Variants in DLG1 observed in about 807,000 individuals in gnomAD.
DLG1 encodes disks large homolog 1.
DLG1 carries 42 observed loss-of-function variants against 123.4 expected under a neutral mutation model. The observed-to-expected ratio is 0.34, with a 90% CI of 0.27 to 0.44. The LOEUF (loss-of-function observed/expected upper bound fraction) is 0.44, where lower values mean the gene tolerates loss of function less well. DLG1 is among the 20% of genes least tolerant of loss of function. The probability of loss-of-function intolerance (pLI) is 1.00; values close to 1 mark genes in which losing one functional copy is unlikely to be tolerated. For missense variants in DLG1, 942 were observed against 1,082.6 expected (o/e 0.87, Z 1.82); for synonymous variants, 317 against 356.2 (o/e 0.89, Z 1.24).
intron 13 of DLG1, among the ~76,000 whole-genome samples, chr3:197,111,278 A>G (rs1769852189): frequency 6.6e-6 from 1 of 152,192 alleles, no homozygotes; most frequent in Non-Finnish European, 1.5e-5. Context: ...TAAAACCATG[A>G]ATGTTCTGGG....
chr3:197,134,674 C>G (rs1784254737), intron 10 of DLG1, among the ~76,000 whole-genome samples: 1 of 152,194 alleles, frequency 6.6e-6, no homozygotes, highest in Non-Finnish European at 1.5e-5. Flanking sequence ...TCCCAGTTTT[C>G]TGAGCCTCTT....
intron 5 of DLG1, among the ~76,000 whole-genome samples, chr3:197,163,864 G>C (rs918752249): frequency 6.6e-6 from 1 of 151,730 alleles, no homozygotes; most frequent in African/African-American, 2.4e-5. Context: ...AATCATGCTA[G>C]AAGATGGATG....
At chr3:197,116,433 C>T (rs1183509908) in intron 12 of DLG1, among the ~76,000 whole-genome samples, 8 of 152,258 alleles carry the variant, frequency 5.3e-5, no homozygotes, top group Non-Finnish European at 8.8e-5. Context: ...GCAATCACTG[C>T]CCCTACTTAG....
intron 5 of DLG1, among the ~76,000 whole-genome samples, chr3:197,191,376 A>C (rs558626248): frequency 2.6e-5 from 4 of 152,304 alleles, no homozygotes; most frequent in Non-Finnish European, 5.9e-5. Flanking sequence ...GCAACAACGG[A>C]AAGCTGAGGT....
At chr3:197,194,362 G>T in intron 5 of DLG1, 63 bp downstream of exon 5, 1 of 1,098,834 alleles carries the variant, frequency 9.1e-7, no homozygotes, top group South Asian at 2.3e-5. Context: ...CTCCGAGCAT[G>T]AGCTATATGT....
At chr3:197,211,465 GGGATGCAA>G (rs1731235570) in intron 4 of DLG1, among the ~76,000 whole-genome samples, 1 of 146,466 alleles carries the variant, frequency 6.8e-6, no homozygotes, top group African/African-American at 2.4e-5. Context: ...GCTTCATCCC[GGGATGCAA>G]GGCTGGTTCA....
At chr3:197,108,498 TTTC>T (rs1767869317) in intron 13 of DLG1, among the ~76,000 whole-genome samples, 1 of 152,208 alleles carries the variant, frequency 6.6e-6, no homozygotes, top group Non-Finnish European at 1.5e-5. Flanking sequence ...AAATTCTCTA[TTTC>T]TTCTTGAGTT....
At chr3:197,180,665 G>T (rs555013358) in intron 5 of DLG1, among the ~76,000 whole-genome samples, 1 of 152,280 alleles carries the variant, frequency 6.6e-6, no homozygotes, top group South Asian at 2.1e-4. Flanking sequence ...TATCACTACT[G>T]AGTGGGGACT....
At chr3:197,184,134 C>T (rs1442687130) in intron 5 of DLG1, 2 of 1,080,094 alleles carry the variant, frequency 1.9e-6, no homozygotes, top group Admixed American at 4.8e-5. Flanking sequence ...TAGCTGATAA[C>T]TAGATGGATT....
At chr3:197,204,150 T>C (rs951468917) in intron 4 of DLG1, among the ~76,000 whole-genome samples, 46 of 152,256 alleles carry the variant, frequency 3.0e-4, no homozygotes, top group African/African-American at 9.4e-4. Context: ...GGAAAAATTA[T>C]GTGAATCAGT....
chr3:197,085,418 C>A, intron 16 of DLG1, 162 bp downstream of exon 16: 2 of 686,152 alleles, frequency 2.9e-6, no homozygotes, highest in Non-Finnish European at 2.4e-6. Context: ...TTAGATTTCA[C>A]ATAAAAATGT....
chr3:197,180,273 A>C (rs543149884), intron 5 of DLG1, among the ~76,000 whole-genome samples: 1 of 152,276 alleles, frequency 6.6e-6, no homozygotes, highest in African/African-American at 2.4e-5. Flanking sequence ...TTAATCAAGT[A>C]AAGTCTAGCA....
chr3:197,097,124 ATTTGGATTTTAT>A (rs1761034473), intron 14 of DLG1, among the ~76,000 whole-genome samples: 1 of 152,114 alleles, frequency 6.6e-6, no homozygotes, highest in African/African-American at 2.4e-5. Context: ...ATCCTACTCA[ATTTGGATTTTAT>A]TCCCAGCAGT....
chr3:197,242,154 C>G (rs1288091980), intron 4 of DLG1, among the ~76,000 whole-genome samples: 1 of 151,976 alleles, frequency 6.6e-6, no homozygotes, highest in Non-Finnish European at 1.5e-5. Context: ...ATGCTTCTAT[C>G]AGATAAAGTG....
At chr3:197,160,486 A>AT (rs1798361861) in intron 5 of DLG1, among the ~76,000 whole-genome samples, 1 of 152,022 alleles carries the variant, frequency 6.6e-6, no homozygotes, top group Non-Finnish European at 1.5e-5. Context: ...TATAAATTCA[A>AT]TTTTTTTCCT....
chr3:197,176,169 C>A (rs541391726), intron 5 of DLG1, among the ~76,000 whole-genome samples: 36 of 152,188 alleles, frequency 2.4e-4, no homozygotes, highest in Middle Eastern at 3.4e-3. Flanking sequence ...CATTAAGACA[C>A]CAATTTTATA....
At chr3:197,051,486 G>T in intron 24 of DLG1, 91 bp downstream of exon 24, 1 of 940,350 alleles carries the variant, frequency 1.1e-6, no homozygotes, top group Non-Finnish European at 1.7e-6. Context: ...GTAGATGTAG[G>T]CATAGTTCAA....
intron 24 of DLG1, among the ~76,000 whole-genome samples, chr3:197,047,991 C>G (rs1356269290): frequency 6.6e-6 from 1 of 152,056 alleles, no homozygotes; most frequent in Admixed American, 6.6e-5. Context: ...GAAAATATTT[C>G]CAAACATGCA....
At chr3:197,047,506 G>A (rs1483774109) in intron 24 of DLG1, among the ~76,000 whole-genome samples, 4 of 151,140 alleles carry the variant, frequency 2.6e-5, no homozygotes, top group Admixed American at 1.3e-4. Flanking sequence ...AAACAAACAA[G>A]TAACAACAAC....
Sources: allele counts gnomAD v4.1 joint callset (sites outside exome capture counted in the v4.1 genomes callset), GRCh38; gene constraint gnomAD v4.1.1; transcripts MANE v1.5; gene names NCBI Gene and HGNC (gene_info 2026-07-23, HGNC 2026-07-21).